The following LIN52 variants were observed in gnomAD, a reference collection of about 807,000 sequenced individuals.
LIN52 encodes the protein lin-52 DREAM MuvB core complex component.
A neutral mutation model predicts 18.5 loss-of-function variants in LIN52; 4 were observed. The observed-to-expected ratio is 0.22, with a 90% CI of 0.11 to 0.49. LIN52 has a LOEUF of 0.49. LIN52 is among the 20% of genes least tolerant of loss of function. LIN52 has a pLI of 0.97. For synonymous variants in LIN52, 34 were observed against 45.5 expected, an observed-to-expected ratio of 0.75 and a Z score of 1.02; for missense variants, 102 against 139.5, an observed-to-expected ratio of 0.73 and a Z score of 1.35.
intron 5 of LIN52, among the ~76,000 whole-genome samples, chr14:74,185,991 TTTAA>T (rs1487201216): frequency 2.0e-5 from 3 of 152,180 alleles, no homozygotes; most frequent in Admixed American, 6.5e-5. Flanking sequence ...ATGCTCAGTG[TTTAA>T]TTAAGAACTG....
chr14:74,147,123 C>A (rs1228237261), intron 5 of LIN52, among the ~76,000 whole-genome samples: 1 of 151,966 alleles, frequency 6.6e-6, no homozygotes, highest in East Asian at 1.9e-4. Flanking sequence ...CTGGGCATGA[C>A]AACGCACCCC....
intron 5 of LIN52, among the ~76,000 whole-genome samples, chr14:74,131,700 ATAAAG>A (rs1473823229): frequency 1.3e-5 from 2 of 152,210 alleles, no homozygotes; most frequent in Non-Finnish European, 2.9e-5. Context: ...TTGGTTGCTA[ATAAAG>A]TAATGTTTAC....
chr14:74,154,119 TG>T (rs971096805), intron 5 of LIN52, among the ~76,000 whole-genome samples: 2 of 151,950 alleles, frequency 1.3e-5, no homozygotes, highest in South Asian at 2.1e-4. Flanking sequence ...TTTTCCTTAA[TG>T]TTTTTTTTTT....
At chr14:74,180,654 T>C (rs1219779968) in intron 5 of LIN52, among the ~76,000 whole-genome samples, 1 of 152,182 alleles carries the variant, frequency 6.6e-6, no homozygotes, top group Non-Finnish European at 1.5e-5. Context: ...CAGTAAAATG[T>C]CTACTAACTG....
At chr14:74,120,507 C>T (rs1161314999) in intron 5 of LIN52, among the ~76,000 whole-genome samples, 1 of 152,030 alleles carries the variant, frequency 6.6e-6, no homozygotes, top group Non-Finnish European at 1.5e-5. Context: ...GTAATCCCAG[C>T]ACTTTGGGAG....
At chr14:74,103,035 G>T (rs764580432) in intron 5 of LIN52, among the ~76,000 whole-genome samples, 11 of 152,112 alleles carry the variant, frequency 7.2e-5, no homozygotes, top group Non-Finnish European at 1.3e-4. Flanking sequence ...GAGTAACTTT[G>T]TATGTGTTTC....
At chr14:74,182,954 T>G (rs996138639) in intron 5 of LIN52, among the ~76,000 whole-genome samples, 1 of 152,250 alleles carries the variant, frequency 6.6e-6, no homozygotes, top group African/African-American at 2.4e-5. Context: ...ATTATTAGGC[T>G]TAACCTGAGT....
chr14:74,191,616 C>T (rs948751248), intron 5 of LIN52, among the ~76,000 whole-genome samples: 1 of 151,656 alleles, frequency 6.6e-6, no homozygotes, highest in African/African-American at 2.4e-5. Flanking sequence ...TTAAACTAAA[C>T]TGGGGTTTTT....
intron 5 of LIN52, among the ~76,000 whole-genome samples, chr14:74,110,833 G>A (rs1207169262): frequency 6.6e-6 from 1 of 151,628 alleles, no homozygotes; most frequent in Non-Finnish European, 1.5e-5. Flanking sequence ...GGGCGTGGTG[G>A]TGGGCACCTG....
chr14:74,172,414 T>C (rs778088233), intron 5 of LIN52, among the ~76,000 whole-genome samples: 31 of 152,208 alleles, frequency 2.0e-4, no homozygotes, highest in Admixed American at 7.9e-4. Context: ...ATAAATTATA[T>C]CTACTTATAG....
intron 5 of LIN52, among the ~76,000 whole-genome samples, chr14:74,163,644 T>C (rs1422518837): frequency 2.6e-5 from 4 of 152,054 alleles, no homozygotes; most frequent in African/African-American, 9.7e-5. Context: ...TTAAAAAATA[T>C]AAGAGCCCTC....
At chr14:74,159,719 G>A (rs772612829) in intron 5 of LIN52, among the ~76,000 whole-genome samples, 11 of 151,996 alleles carry the variant, frequency 7.2e-5, no homozygotes, top group Non-Finnish European at 1.5e-4. Flanking sequence ...TTATAGACAT[G>A]TGCCTCCACG....
chr14:74,117,779 G>A (rs964751762), intron 5 of LIN52, among the ~76,000 whole-genome samples: 2 of 152,172 alleles, frequency 1.3e-5, no homozygotes, highest in Non-Finnish European at 2.9e-5. Context: ...CTGGAAGGTA[G>A]CGATAATGCA....
intron 5 of LIN52, among the ~76,000 whole-genome samples, chr14:74,123,633 C>T (rs772458663): frequency 1.1e-4 from 17 of 152,012 alleles, no homozygotes; most frequent in Non-Finnish European, 1.2e-4. Context: ...AATATAGAAC[C>T]GTGGTGTGGT....
At chr14:74,147,164 A>G (rs1230881766) in intron 5 of LIN52, among the ~76,000 whole-genome samples, 1 of 152,224 alleles carries the variant, frequency 6.6e-6, no homozygotes, top group African/African-American at 2.4e-5. Flanking sequence ...AGGCTAAGGC[A>G]GGAGAATCGC....
chr14:74,101,429 T>G (rs916542219), intron 5 of LIN52, among the ~76,000 whole-genome samples, 191 bp downstream of exon 5: 5 of 152,056 alleles, frequency 3.3e-5, no homozygotes, highest in African/African-American at 1.2e-4. Flanking sequence ...GTGGAATAAT[T>G]ACTGGATTTA....
At chr14:74,158,403 G>A (rs890443675) in intron 5 of LIN52, among the ~76,000 whole-genome samples, 10 of 151,886 alleles carry the variant, frequency 6.6e-5, no homozygotes, top group African/African-American at 2.2e-4. Flanking sequence ...GTGAGCCACC[G>A]TGCGTGGCCC....
chr14:74,113,021 A>T (rs1431437016), intron 5 of LIN52, among the ~76,000 whole-genome samples: 1 of 142,418 alleles, frequency 7.0e-6, no homozygotes, highest in Non-Finnish European at 1.5e-5. Flanking sequence ...GGGAGCCTAG[A>T]TTCAGAGAAG....
chr14:74,122,833 A>C (rs2061007537), intron 5 of LIN52, among the ~76,000 whole-genome samples: 1 of 152,130 alleles, frequency 6.6e-6, no homozygotes, highest in Non-Finnish European at 1.5e-5. Context: ...GTGCTACGGC[A>C]CTCCAGCCTG....
Sources: allele counts gnomAD v4.1 joint callset (sites outside exome capture counted in the v4.1 genomes callset), GRCh38; gene constraint gnomAD v4.1.1; transcripts MANE v1.5; gene names NCBI Gene and HGNC (gene_info 2026-07-23, HGNC 2026-07-21).